Variants in FRMPD4 observed in about 807,000 individuals in gnomAD.
FRMPD4 encodes FERM and PDZ domain containing 4, also known as FERM and PDZ domain-containing protein 4.
Under a neutral mutation model 94.1 loss-of-function variants are expected in FRMPD4, and 22 were observed. The observed-to-expected ratio is 0.23, with a 90% CI of 0.17 to 0.33. The LOEUF (loss-of-function observed/expected upper bound fraction) is 0.33, where lower values mean the gene tolerates loss of function less well. Ranked by LOEUF, FRMPD4 falls within the 10% of genes least tolerant of loss-of-function variation. The pLI is 1.00. For synonymous variants in FRMPD4, 631 were observed against 548.6 expected, an observed-to-expected ratio of 1.15 and a Z score of -2.10; for missense variants, 1,111 against 1,339.9, an observed-to-expected ratio of 0.83 and a Z score of 2.67.
At chrX:12,234,892 T>C (rs760018375) in intron 1 of FRMPD4, among the ~76,000 whole-genome samples, 1 of 111,775 alleles carries the variant, frequency 8.9e-6, no homozygotes, top group Admixed American at 9.5e-5. Context: ...GCTTTAAAAC[T>C]TTTGGGGATT....
upstream of FRMPD4, among the ~76,000 whole-genome samples, chrX:12,135,876 G>A (rs1364610466): frequency 8.9e-6 from 1 of 112,100 alleles, no homozygotes. Flanking sequence ...CAAAGGCACT[G>A]TTTTATCCCC....
chrX:12,363,838 A>G (rs1478891689), intron 1 of FRMPD4, among the ~76,000 whole-genome samples: 1 of 111,789 alleles, frequency 8.9e-6, no homozygotes, highest in African/African-American at 3.3e-5. Flanking sequence ...CATGACAGCC[A>G]GGAAGTGGCA....
intron 2 of FRMPD4, among the ~76,000 whole-genome samples, chrX:11,875,323 T>G (rs1476275477): frequency 8.9e-6 from 1 of 112,293 alleles, no homozygotes; most frequent in East Asian, 2.8e-4. Flanking sequence ...TATTTGCTGC[T>G]GTGCAGGCCA....
At chrX:12,613,142 A>G (rs1436646903) in intron 3 of FRMPD4, among the ~76,000 whole-genome samples, 1 of 112,463 alleles carries the variant, frequency 8.9e-6, no homozygotes, top group Non-Finnish European at 1.9e-5. Context: ...GTGGAAATAT[A>G]GTTAAAATTA....
intron 3 of FRMPD4, among the ~76,000 whole-genome samples, chrX:12,101,704 G>A (rs964166302): frequency 1.1e-4 from 12 of 110,791 alleles, no homozygotes; most frequent in Middle Eastern, 4.7e-3. Context: ...AATTCGGACC[G>A]TATATAACTT....
At chrX:12,051,016 A>G (rs1290962620) in intron 3 of FRMPD4, among the ~76,000 whole-genome samples, 1 of 111,799 alleles carries the variant, frequency 8.9e-6, no homozygotes, top group African/African-American at 3.2e-5. Flanking sequence ...CCATGTATTA[A>G]TATAGATAGC....
chrX:11,867,723 T>C (rs6639093), intron 2 of FRMPD4, among the ~76,000 whole-genome samples: 5,798 of 111,890 alleles, frequency 0.052, 172 homozygotes, highest in East Asian at 0.22. Context: ...GTAGGAGACA[T>C]TGACTCATAG....
At chrX:11,845,547 G>A (rs2053570088) in intron 1 of FRMPD4, among the ~76,000 whole-genome samples, 1 of 108,130 alleles carries the variant, frequency 9.2e-6, no homozygotes, top group Non-Finnish European at 1.9e-5. Flanking sequence ...GCATCATCCT[G>A]ATACCAAAGC....
In FRMPD4 at chrX:12,405,728, A is replaced by G. The variant is rs1375486062; in HGVS notation, c.42-92952A>G. Reference sequence around the variant, plus strand: ...AATTAATATATTAGTGACTAAAGGCAAATGAATCATTAAGTTTTATTTACT... The same window carrying G: ...AATTAATATATTAGTGACTAAAGGCGAATGAATCATTAAGTTTTATTTACT... On this transcript the variant is annotated intron_variant, in intron 1 of 16. Coordinates refer to ENST00000675598, the MANE Select transcript of FRMPD4 (RefSeq NM_001368397.1). Among the ~76,000 whole-genome samples, 3 of 111,926 alleles carry G rather than the reference A, an allele frequency of 2.7e-5. No homozygotes were observed. In the Admixed American group the frequency reaches 2.8e-4, roughly 11 times the overall value.
chrX:11,929,188 A>G (rs1216258375), intron 3 of FRMPD4, among the ~76,000 whole-genome samples: 1 of 112,182 alleles, frequency 8.9e-6, no homozygotes, highest in Non-Finnish European at 1.9e-5. Flanking sequence ...AATAATCTGT[A>G]CAACAAACCC....
In FRMPD4 at chrX:12,243,798, T is replaced by C. The variant is rs1486267581; in HGVS notation, c.41+104786T>C. Among the ~76,000 whole-genome samples the C allele has an allele frequency of 1.0e-4, 7 of 69,010 alleles. No individual in the cohort carries two copies. The Admixed American group carries it at 1.0e-3, about 10-fold the overall frequency. 59.9% of individuals were successfully genotyped at this position (69,010 alleles called of 115,157 possible). ...GTTGTCCATCTAAAGGGCTTTTTTT[T>C]TTTTTTTTTTTTTTTTTTTTTTTTT... On this transcript the variant is annotated intron_variant, in intron 1 of 16. Transcript: ENST00000675598.
rs2057394988 is a variant in FRMPD4, at chrX:12,461,923, AAC to A, written c.42-36755_42-36754del. On this transcript the variant is annotated intron_variant, in intron 1 of 16. Transcript: ENST00000675598. The stretch of plus-strand genomic sequence containing the variant: ...GAAATAATACCATGGTAAATAAACA[AAC>A]AACCCCAAATATCTCAGTGGCTTCC... Among the ~76,000 whole-genome samples, 5 of 111,867 alleles carry A rather than the reference AAC, an allele frequency of 4.5e-5. No homozygotes were observed. In the South Asian group the frequency reaches 1.9e-3, roughly 42 times the overall value.
chrX:11,979,267 G>A (rs926375801), intron 3 of FRMPD4, among the ~76,000 whole-genome samples: 2 of 111,949 alleles, frequency 1.8e-5, no homozygotes, highest in African/African-American at 6.5e-5. Context: ...TTTGGTCAAG[G>A]TTATGTTTTT....
At chrX:11,895,057 C>T (rs2053895197) in intron 3 of FRMPD4, among the ~76,000 whole-genome samples, 1 of 111,964 alleles carries the variant, frequency 8.9e-6, no homozygotes, top group African/African-American at 3.2e-5. Flanking sequence ...GCTCCAAGGA[C>T]CAGAAAATAT....
intron 1 of FRMPD4, among the ~76,000 whole-genome samples, chrX:12,424,761 A>G (rs776810301): frequency 8.8e-6 from 1 of 113,023 alleles, no homozygotes; most frequent in East Asian, 2.8e-4. Context: ...CATTTACCAC[A>G]TCATGAAAAT....
At chrX:12,467,462 G>C (rs980801755) in intron 1 of FRMPD4, among the ~76,000 whole-genome samples, 1 of 112,061 alleles carries the variant, frequency 8.9e-6, no homozygotes, top group African/African-American at 3.2e-5. Context: ...CACTCTGATT[G>C]ACATTTTAAC....
chrX:11,996,514 G>C (rs1262229548), intron 3 of FRMPD4, among the ~76,000 whole-genome samples: 1 of 112,209 alleles, frequency 8.9e-6, no homozygotes, highest in Non-Finnish European at 1.9e-5. Flanking sequence ...TCCCACAATA[G>C]GTATAAACAT....
In FRMPD4 at chrX:12,188,978, G is replaced by T. The variant is rs2056458065; in HGVS notation, c.41+49966G>T. 3.6e-5 allele frequency among the ~76,000 whole-genome samples: 4 copies of T among 111,378 alleles called. No individual in the cohort carries two copies. In the Admixed American group the frequency reaches 3.8e-4, roughly 11 times the overall value. On this transcript the variant is annotated intron_variant, in intron 1 of 16. Coordinates refer to ENST00000675598, the MANE Select transcript of FRMPD4 (RefSeq NM_001368397.1). The stretch of plus-strand genomic sequence containing the variant: ...AAATTGAAAACAGGAAATCAATAAA[G>T]AAATTTCTTTTAAAAGCCCAGAAGC...
chrX:12,088,696 G>A (rs1046416331), intron 3 of FRMPD4, among the ~76,000 whole-genome samples: 4 of 112,121 alleles, frequency 3.6e-5, no homozygotes, highest in African/African-American at 1.3e-4. Flanking sequence ...CCAGGGAATA[G>A]TAACTTTTGT....
Sources: gnomAD v4.1 joint callset for allele counts (sites outside exome capture counted in the v4.1 genomes callset) on GRCh38, gnomAD v4.1.1 for gene constraint, MANE v1.5 for transcripts, NCBI Gene and HGNC (gene_info 2026-07-23, HGNC 2026-07-21) for gene names.